The following RELCH variants were observed in gnomAD, a reference collection of about 807,000 sequenced individuals.
RELCH encodes RAB11-binding protein RELCH.
RELCH carries 41 observed loss-of-function variants against 150.3 expected under a neutral mutation model. That is an observed-to-expected ratio of 0.27 (90% confidence interval 0.21 to 0.35). The LOEUF is 0.35. Ranked by LOEUF, RELCH falls within the 10% of genes least tolerant of loss-of-function variation. The pLI is 1.00. For synonymous variants in RELCH, 478 were observed against 531.8 expected, an observed-to-expected ratio of 0.90 and a Z score of 1.39; for missense variants, 1,092 against 1,467.8, an observed-to-expected ratio of 0.74 and a Z score of 4.18.
In RELCH at chr18:62,305,663, C is replaced by A; in HGVS notation, c.*129C>A. 2.1e-6 allele frequency: 2 copies of A among 964,338 alleles called. No individual in the cohort carries two copies. The highest frequency in any genetic ancestry group is 3.0e-6 in the Non-Finnish European group (2 of 673,850). The allele number at this position is 964,338 out of a possible 1,614,324, so 59.7% of individuals were successfully genotyped here. A position where few individuals can be genotyped will look rare whatever the true frequency, so the allele number is the denominator to read the frequency against. ...TGCATTATAATTTTATCCTAACCTC[C>A]AAAGATATTTGCACTGCTTTTAATT... is the stretch of plus-strand genomic sequence containing the variant. On this transcript the variant is annotated 3_prime_UTR_variant, in exon 29 of 29. Transcript: ENST00000644646. This position sits in a 1 kb window ranked among gnomAD's most constrained non-coding sequence, Gnocchi z 4.0.
chr18:62,187,773 G>C lies in RELCH; in HGVS notation c.268G>C (p.Ala90Pro). The change falls in exon 1 of 29, where the codon GCC becomes CCC. Residue 90 changes from alanine (A) to proline (P), a missense_variant. By Grantham distance (27) the Ala-to-Pro change is conservative. Around this residue, in one of 4 missense-constraint regions of RELCH, gnomAD observed 138 missense variants for 124.8 expected, o/e 1.11. Transcript: ENST00000644646. ...VALGGTGETP[A>P]RLSIDAIAAQ... The stretch of plus-strand genomic sequence containing the variant: ...CCTGGGGGGCACCGGGGAGACCCCG[G>C]CCCGATTATCAATTGATGCGATCGC... The C allele has an allele frequency of 6.2e-7, 1 of 1,608,468 alleles. No individual in the cohort carries two copies. Among genetic ancestry groups the C allele is most frequent in the Non-Finnish European group, 8.5e-7 (1 of 1,177,356 alleles).
intron 20 of RELCH, among the ~76,000 whole-genome samples, chr18:62,269,186 G>A (rs757149971): frequency 6.6e-6 from 1 of 152,148 alleles, no homozygotes; most frequent in Non-Finnish European, 1.5e-5. Flanking sequence ...AGAAGTGTTA[G>A]ATTGTACTTA....
At chr18:62,289,751 T>C (rs1405535781) in intron 26 of RELCH, among the ~76,000 whole-genome samples, 1 of 152,230 alleles carries the variant, frequency 6.6e-6, no homozygotes, top group Non-Finnish European at 1.5e-5. Flanking sequence ...TGTTTCCTAA[T>C]ATCTGATGGA....
intron 20 of RELCH, 28 bp from the exon 21 acceptor site, chr18:62,273,952 A>G: frequency 1.5e-6 from 2 of 1,347,434 alleles, no homozygotes; most frequent in Non-Finnish European, 2.1e-6. Flanking sequence ...TTGTTTGGAA[A>G]TTCAGTATCA....
chr18:62,275,477 T>A lies in RELCH; in HGVS notation c.2967+4T>A. 1 of 1,552,902 alleles carries A rather than the reference T, an allele frequency of 6.4e-7. No individual in the cohort carries two copies. Among genetic ancestry groups the A allele is most frequent in the Non-Finnish European group, 8.9e-7 (1 of 1,125,128 alleles). ...TACTGCTGCTAGAATGTTTGAGGTA[T>A]GTCAACACATGCCTCTGTTGGTTTC... On this transcript the variant is annotated splice_donor_region_variant and intron_variant, in intron 22 of 28. Transcript: ENST00000644646.
At position 62,258,693 on chromosome 18, in the gene RELCH, T is replaced by C. The variant is rs775483770; in HGVS notation, c.2202+17T>C. ...CTTCTCAGGGTAAGTTCTTCTTTTG[T>C]TTATATAGTTTGTAGAAACTTAAAA... On this transcript the variant is annotated intron_variant, in intron 15 of 28. Coordinates refer to ENST00000644646, the MANE Select transcript of RELCH (RefSeq NM_001346231.2). The C allele has an allele frequency of 6.5e-7, 1 of 1,537,752 alleles. No individual in the cohort carries two copies. Among genetic ancestry groups the C allele is most frequent in the African/African-American group, 1.4e-5 (1 of 70,880 alleles).
intron 27 of RELCH, among the ~76,000 whole-genome samples, chr18:62,295,217 T>A (rs1445118926): frequency 6.6e-6 from 1 of 152,158 alleles, no homozygotes; most frequent in African/African-American, 2.4e-5. Context: ...TTCTCTATGA[T>A]TGAGTCTTGC....
At chr18:62,292,064 A>G (rs1223247750) in intron 27 of RELCH, among the ~76,000 whole-genome samples, 2 of 151,854 alleles carry the variant, frequency 1.3e-5, no homozygotes, top group Non-Finnish European at 2.9e-5. Context: ...CTGTATCTTC[A>G]ACCTATTTTT....
At position 62,187,735 on chromosome 18, in the gene RELCH, C is replaced by T. The variant is rs1432989837; in HGVS notation, c.230C>T (p.Ala77Val). The T allele has an allele frequency of 6.2e-7, 1 of 1,609,300 alleles. No individual in the cohort carries two copies. The highest frequency in any genetic ancestry group is 1.1e-5 in the South Asian group (1 of 90,816). The change falls in exon 1 of 29, where the codon GCG becomes GTG. Residue 77 changes from alanine (A) to valine (V), a missense_variant. Physicochemically the swap from Ala to Val is moderately conservative, Grantham distance 64 (BLOSUM62 0). This residue lies in a region of RELCH where 138 missense variants were observed against 124.8 expected (regional missense o/e 1.11). Transcript: ENST00000644646. ...ARPGLPGEASAAAVALGGTGE... is the reference protein window; with the variant it reads ...ARPGLPGEASVAAVALGGTGE... ...CCAGGGCTCCCTGGGGAGGCGTCGG[C>T]GGCTGCAGTGGCCCTGGGGGGCACC...
intron 1 of RELCH, among the ~76,000 whole-genome samples, chr18:62,205,538 CAT>C (rs1253704840): frequency 3.3e-5 from 5 of 152,306 alleles, no homozygotes; most frequent in South Asian, 4.1e-4. Context: ...TATTATTGCA[CAT>C]GTCAGTATTT....
At chr18:62,219,500 TAA>T (rs369704293) in intron 2 of RELCH, among the ~76,000 whole-genome samples, 18 of 137,156 alleles carry the variant, frequency 1.3e-4, no homozygotes, top group Non-Finnish European at 1.6e-4. Flanking sequence ...TTTTAAAATG[TAA>T]AAAAAAAAAA....
chr18:62,305,917 T>C lies in RELCH; in HGVS notation c.*383T>C. ...TTAAAATAATGTAAATTTGAAGTCA[T>C]TGTTATAAAATAATAAAGTGGAGAT... is the stretch of plus-strand genomic sequence containing the variant. On this transcript the variant is annotated 3_prime_UTR_variant, in exon 29 of 29. Transcript: ENST00000644646. The surrounding 1 kb of genome is among the most constrained non-coding windows in gnomAD (Gnocchi z 4.0). 1 of 152,818 alleles carries C rather than the reference T, an allele frequency of 6.5e-6. No homozygotes were observed. The highest frequency in any genetic ancestry group is 2.4e-5 in the African/African-American group (1 of 41,570). The allele number at this position is 152,818 out of a possible 1,614,324, so 9.5% of individuals were successfully genotyped here. A position where few individuals can be genotyped will look rare whatever the true frequency, so the allele number is the denominator to read the frequency against.
Position 62,307,547 on chromosome 18 carries a change from A to C in RELCH, c.*2013A>C, listed in dbSNP as rs1170948855. 1 of 152,068 alleles carries C rather than the reference A, an allele frequency of 6.6e-6. No individual in the cohort carries two copies. The highest frequency in any genetic ancestry group is 1.5e-5 in the Non-Finnish European group (1 of 67,974). The allele number at this position is 152,068 out of a possible 1,614,324, so 9.4% of individuals were successfully genotyped here. ...AATATTTTAATATCATTAAGATTTCACATTGTGGTTTTGTTTTTTGTTTGT... is the reference window on the plus strand; with the variant it reads ...AATATTTTAATATCATTAAGATTTCCCATTGTGGTTTTGTTTTTTGTTTGT... On this transcript the variant is annotated 3_prime_UTR_variant, in exon 29 of 29. Transcript: ENST00000644646.
At chr18:62,301,375 T>A (rs1195590172) in intron 28 of RELCH, among the ~76,000 whole-genome samples, 1 of 152,238 alleles carries the variant, frequency 6.6e-6, no homozygotes, top group African/African-American at 2.4e-5. Context: ...AATATTATTT[T>A]AAACTTTGGA....
chr18:62,238,832 G>T (rs115710856), intron 10 of RELCH, among the ~76,000 whole-genome samples: 1 of 152,018 alleles, frequency 6.6e-6, no homozygotes, highest in Non-Finnish European at 1.5e-5. Flanking sequence ...CAATAAAACC[G>T]TCATTAAAAA....
rs2148508165 is a variant in RELCH, at chr18:62,246,534, A to C, written c.1733+1658A>C. ...AAAAGTATAAAAAACTAAGATATAAACACTAAACATTTGTGAAAAACACAG... is the reference window on the plus strand; with the variant it reads ...AAAAGTATAAAAAACTAAGATATAACCACTAAACATTTGTGAAAAACACAG... On this transcript the variant is annotated intron_variant, in intron 11 of 28. Coordinates refer to ENST00000644646, the MANE Select transcript of RELCH (RefSeq NM_001346231.2). The C allele has an allele frequency of 2.0e-5, 3 of 152,344 alleles. No individual in the cohort carries two copies. In the Middle Eastern group the frequency reaches 0.01, roughly 518 times the overall value. The allele number at this position is 152,344 out of a possible 1,614,324, so 9.4% of individuals were successfully genotyped here.
At position 62,264,241 on chromosome 18, in the gene RELCH, A is replaced by G. The variant is rs886758562; in HGVS notation, c.2507+96A>G. Reference sequence around the variant, plus strand: ...AATATAACAAAACTTTTAAAATGTAACTCGGCATCATTTTTGGTAAACACC... The same window carrying G: ...AATATAACAAAACTTTTAAAATGTAGCTCGGCATCATTTTTGGTAAACACC... On this transcript the variant is annotated intron_variant, in intron 17 of 28. Coordinates refer to ENST00000644646, the MANE Select transcript of RELCH (RefSeq NM_001346231.2). 6 of 976,056 alleles carry G rather than the reference A, an allele frequency of 6.1e-6. No individual in the cohort carries two copies. In the African/African-American group the frequency reaches 8.7e-5, roughly 14 times the overall value. The allele number at this position is 976,056 out of a possible 1,614,324, so 60.5% of individuals were successfully genotyped here.
In RELCH at chr18:62,227,346, C is replaced by A; in HGVS notation, c.916C>A (p.Gln306Lys). Residue 306 changes from glutamine to lysine, a missense_variant, in exon 6 of 29, where the codon CAA becomes AAA. This residue lies in a region of RELCH where 190 missense variants were observed against 276.2 expected (regional missense o/e 0.69). Coordinates refer to ENST00000644646, the MANE Select transcript of RELCH (RefSeq NM_001346231.2). ...LNIPKPPDLL[Q>K]LYRDFGNHQV... ...CATTCCAAAACCTCCAGACTTATTGCAACTCTACCGGGATTTTGGAAATCA... is the reference window on the plus strand; with the variant it reads ...CATTCCAAAACCTCCAGACTTATTGAAACTCTACCGGGATTTTGGAAATCA... 1 of 1,611,804 alleles carries A rather than the reference C, an allele frequency of 6.2e-7. No homozygotes were observed. The highest frequency in any genetic ancestry group is 2.2e-5 in the East Asian group (1 of 44,802).
At chr18:62,241,656 C>A (rs1433265693) in intron 10 of RELCH, among the ~76,000 whole-genome samples, 1 of 151,902 alleles carries the variant, frequency 6.6e-6, no homozygotes, top group East Asian at 1.9e-4. Flanking sequence ...AATTTAATCA[C>A]CATTTTTTAA....
Sources: allele counts gnomAD v4.1 joint callset (sites outside exome capture counted in the v4.1 genomes callset), GRCh38; gene constraint gnomAD v4.1.1; regional missense constraint gnomAD v4.1.1; non-coding constraint Gnocchi (gnomAD v3.1); transcripts MANE v1.5; gene names NCBI Gene and HGNC (gene_info 2026-07-23, HGNC 2026-07-21).